VPS13A: variants seen among roughly 807,000 people sequenced by gnomAD.
The protein encoded by VPS13A is vacuolar protein sorting 13 homolog A, also known as intermembrane lipid transfer protein VPS13A.
VPS13A carries 264 observed loss-of-function variants against 390.9 expected under a neutral mutation model. That is an observed-to-expected ratio of 0.68 (90% CI 0.61 to 0.75). The LOEUF (loss-of-function observed/expected upper bound fraction) is 0.75. VPS13A is among the 30% of genes least tolerant of loss of function. VPS13A has a pLI of 0.00. For missense variants in VPS13A, 3,409 were observed against 3,733.9 expected, an observed-to-expected ratio of 0.91 and a Z score of 2.27; for synonymous variants, 1,231 against 1,227.1, an observed-to-expected ratio of 1.00 and a Z score of -0.07.
At chr9:77,276,514 A>G (rs1241421159) in intron 26 of VPS13A, among the ~76,000 whole-genome samples, 1 of 152,218 alleles carries the variant, frequency 6.6e-6, no homozygotes, top group East Asian at 1.9e-4. Flanking sequence ...TGCTATAACA[A>G]TTTACCACAA....
intron 17 of VPS13A, among the ~76,000 whole-genome samples, chr9:77,232,058 T>C (rs949542198): frequency 6.6e-6 from 1 of 152,192 alleles, no homozygotes; most frequent in Non-Finnish European, 1.5e-5. Flanking sequence ...CAATTAGCCA[T>C]AGATGTATGT....
At chr9:77,228,731 AC>A (rs1422992636) in intron 17 of VPS13A, among the ~76,000 whole-genome samples, 2 of 152,168 alleles carry the variant, frequency 1.3e-5, no homozygotes, top group East Asian at 3.9e-4. Context: ...ATGAAGACTT[AC>A]CCAAGACTGG....
chr9:77,305,003 A>G (rs567894784), intron 34 of VPS13A, among the ~76,000 whole-genome samples: 5 of 151,248 alleles, frequency 3.3e-5, no homozygotes, highest in African/African-American at 7.3e-5. Context: ...CAGTGGTGCA[A>G]TCTCAGCTCA....
chr9:77,331,599 C>T (rs1022271731), intron 45 of VPS13A, among the ~76,000 whole-genome samples: 4 of 151,806 alleles, frequency 2.6e-5, no homozygotes. Flanking sequence ...TGGTTATAAA[C>T]CCTTTGTCAA....
chr9:77,400,501 A>G (rs1045682295), intron 68 of VPS13A, among the ~76,000 whole-genome samples: 4 of 151,336 alleles, frequency 2.6e-5, no homozygotes, highest in Non-Finnish European at 5.9e-5. Context: ...TGTTTTATGG[A>G]CTCTGTTATA....
intron 13 of VPS13A, among the ~76,000 whole-genome samples, chr9:77,224,574 T>G (rs1479360368): frequency 6.6e-6 from 1 of 152,158 alleles, no homozygotes; most frequent in African/African-American, 2.4e-5. Flanking sequence ...GAACTAGAAG[T>G]GGAGCCTGAA....
Position 77,382,797 on chromosome 9 carries a change from A to G in VPS13A, c.9189+710A>G, listed in dbSNP as rs140180470. The stretch of plus-strand genomic sequence containing the variant: ...ATAAGCAGTTCACATGCAAACCAGT[A>G]TCTTTTAATAATACAAAGTAGCATC... On this transcript the variant is annotated intron_variant, in intron 68 of 71. Transcript: ENST00000360280. 1.2e-3 allele frequency: 1,204 copies of G among 985,486 alleles called. 30 individuals carry two copies. In the East Asian group the frequency reaches 0.037, roughly 30 times the overall value. The allele number at this position is 985,486 out of a possible 1,614,324, so 61.0% of individuals were successfully genotyped here.
At chr9:77,225,398 G>A (rs2131192094) in intron 13 of VPS13A, among the ~76,000 whole-genome samples, 2 of 152,190 alleles carry the variant, frequency 1.3e-5, no homozygotes, top group South Asian at 4.2e-4. Flanking sequence ...CTACAGGCAT[G>A]TGCCACCATG....
rs1379322742 is a variant in VPS13A at position 77,300,079 on chromosome 9, A to G, written c.3813-2836A>G. ...GCACATTCTGCACATGTATCCCAGA[A>G]CTAGTATAAAAAAAATTAGAATTAT... On this transcript the variant is annotated intron_variant, in intron 33 of 71. Transcript: ENST00000360280. 2.6e-5 allele frequency among the ~76,000 whole-genome samples: 4 copies of G among 152,148 alleles called. No homozygotes were observed. The East Asian group carries it at 7.7e-4, about 29-fold the overall frequency.
Position 77,366,713 on chromosome 9 carries a change from CTT to C in VPS13A, c.8326-12_8326-11del, listed in dbSNP as rs1832451137. 1.9e-6 allele frequency: 3 copies of C among 1,598,458 alleles called. No individual in the cohort carries two copies. The highest frequency in any genetic ancestry group is 2.6e-6 in the Non-Finnish European group (3 of 1,170,248). On this transcript the variant is annotated splice_polypyrimidine_tract_variant and intron_variant, in intron 60 of 71. Coordinates refer to ENST00000360280, the MANE Select transcript of VPS13A (RefSeq NM_033305.3). ...AGAAAATACTTTTAAATATTTATCT[CTT>C]TATCTTTTTAGTTACATTTAAGTGT...
chr9:77,335,235 G>A (rs1487521413), intron 46 of VPS13A, among the ~76,000 whole-genome samples: 1 of 152,024 alleles, frequency 6.6e-6, no homozygotes, highest in African/African-American at 2.4e-5. Flanking sequence ...ATAAAATATT[G>A]CTGAAATGTA....
At chr9:77,381,056 A>G (rs756379721) in intron 67 of VPS13A, among the ~76,000 whole-genome samples, 4 of 152,232 alleles carry the variant, frequency 2.6e-5, no homozygotes, top group Non-Finnish European at 2.9e-5. Flanking sequence ...TGAGTGAACA[A>G]ATTGAGTGGT....
chr9:77,196,456 C>A (rs533167319), intron 1 of VPS13A, among the ~76,000 whole-genome samples: 1 of 152,244 alleles, frequency 6.6e-6, no homozygotes, highest in South Asian at 2.1e-4. Context: ...ACTTTATTCT[C>A]ATTGACCAAT....
intron 52 of VPS13A, among the ~76,000 whole-genome samples, chr9:77,348,292 G>A (rs948929879): frequency 2.6e-5 from 4 of 152,108 alleles, no homozygotes; most frequent in East Asian, 1.9e-4. Flanking sequence ...CTATGCAGCC[G>A]TAAAAAGGAA....
At position 77,221,302 on chromosome 9, in the gene VPS13A, TAA is replaced by T. The variant is rs770350986; in HGVS notation, c.1114_1115del (p.Lys372ValfsTer4). On this transcript the variant is annotated frameshift_variant, in exon 13 of 72. Transcript: ENST00000360280. LOFTEE classifies it high-confidence loss of function. ...QKVKQYKELYKKKLTSKKPPG... is the reference protein window; with the variant it reads ...QKVKQYKELYXKKLTSKKPPG... Reference sequence around the variant, plus strand: ...AAGTGAAGCAATATAAAGAACTGTATAAAAAAAAGTTAACAAGTAAGAAGCCA... The same window carrying T: ...AAGTGAAGCAATATAAAGAACTGTATAAAAAAGTTAACAAGTAAGAAGCCA... 1 of 1,613,086 alleles carries T rather than the reference TAA, an allele frequency of 6.2e-7. No individual in the cohort carries two copies. Among genetic ancestry groups the T allele is most frequent in the Non-Finnish European group, 8.5e-7 (1 of 1,179,390 alleles).
intron 45 of VPS13A, among the ~76,000 whole-genome samples, chr9:77,323,842 A>AAG (rs1829871740): frequency 6.6e-6 from 1 of 152,078 alleles, no homozygotes; most frequent in Non-Finnish European, 1.5e-5. Flanking sequence ...TGTATGTGTC[A>AAG]ACTTATGTGT....
At position 77,359,338 on chromosome 9, in the gene VPS13A, A is replaced by C; in HGVS notation, c.8041A>C (p.Lys2681Gln). The part of the protein sequence containing the change: ...PKSVTMDSAP[K>Q]PFTDVSIVMR... ...TATATTTATAACCTTTACAGCACCA[A>C]AGCCCTTTACAGATGTCAGTATTGT... The change falls in exon 58 of 72, where the codon AAG becomes CAG. Residue 2681 changes from lysine (K) to glutamine (Q), a missense_variant. Coordinates refer to ENST00000360280, the MANE Select transcript of VPS13A (RefSeq NM_033305.3). 6.2e-7 allele frequency: 1 copy of C among 1,613,516 alleles called. No individual in the cohort carries two copies. The highest frequency in any genetic ancestry group is 8.5e-7 in the Non-Finnish European group (1 of 1,179,640).
intron 54 of VPS13A, among the ~76,000 whole-genome samples, chr9:77,356,028 C>T (rs1184981292): frequency 2.6e-5 from 4 of 152,152 alleles, no homozygotes; most frequent in East Asian, 1.9e-4. Context: ...GTCTTATAAC[C>T]GATCAGTGGT....
intron 68 of VPS13A, among the ~76,000 whole-genome samples, chr9:77,392,319 G>T (rs1038482248): frequency 6.6e-6 from 1 of 152,174 alleles, no homozygotes; most frequent in Non-Finnish European, 1.5e-5. Flanking sequence ...TAGTTCTTCT[G>T]TGCTAACTCG....
Sources: gnomAD v4.1 joint callset for allele counts (sites outside exome capture counted in the v4.1 genomes callset) on GRCh38, gnomAD v4.1.1 for gene constraint, MANE v1.5 for transcripts, NCBI Gene and HGNC (gene_info 2026-07-23, HGNC 2026-07-21) for gene names.